PYGL: variants seen among roughly 807,000 people sequenced by gnomAD.
The protein encoded by PYGL is glycogen phosphorylase, liver form.
A neutral mutation model predicts 100.1 loss-of-function variants in PYGL; 90 were observed. The observed-to-expected ratio is 0.90, with a 90% CI of 0.76 to 1.07. PYGL has a LOEUF of 1.07. PYGL is among the 50% of genes least tolerant of loss of function. The probability of loss-of-function intolerance (pLI) is 0.00; values close to 1 mark genes in which losing one functional copy is unlikely to be tolerated. For missense variants in PYGL, 1,016 were observed against 1,057.6 expected (o/e 0.96, Z 0.55); for synonymous variants, 373 against 393.0 (o/e 0.95, Z 0.60).
intron 9 of PYGL, 113 bp from the exon 10 acceptor site, chr14:50,916,084 T>C: frequency 1.4e-6 from 2 of 1,413,108 alleles, no homozygotes; most frequent in Non-Finnish European, 2.0e-6. Flanking sequence ...CAAGTGTGCA[T>C]AGTCAGAGCA....
Position 50,916,692 on chromosome 14 carries a change from G to C in PYGL, c.1042C>G (p.Pro348Ala), listed in dbSNP as rs2050453574. The C allele has an allele frequency of 6.2e-7, 1 of 1,614,176 alleles. No homozygotes were observed. The highest frequency in any genetic ancestry group is 1.3e-5 in the African/African-American group (1 of 75,048). ...LNDTHPALAI[P>A]ELMRIFVDIE... Reference sequence around the variant, plus strand: ...TCCACAAAAATCCTCATCAGCTCAGGGATCGCGAGTGCAGGGTGAGTGTCA... The same window carrying C: ...TCCACAAAAATCCTCATCAGCTCAGCGATCGCGAGTGCAGGGTGAGTGTCA... The change falls in exon 9 of 20, where the codon CCT becomes GCT. Residue 348 changes from proline to alanine, a missense_variant. By Grantham distance (27) the Pro-to-Ala change is conservative. Transcript: ENST00000216392.
chr14:50,943,050 A>C (rs577002623), intron 1 of PYGL, among the ~76,000 whole-genome samples: 1 of 152,254 alleles, frequency 6.6e-6, no homozygotes, highest in South Asian at 2.1e-4. Context: ...TTTCTTAAAA[A>C]TTCCTATGGG....
chr14:50,920,924 C>G (rs921553415), intron 6 of PYGL, 32 bp downstream of exon 6: 1 of 1,566,884 alleles, frequency 6.4e-7, no homozygotes, highest in Non-Finnish European at 8.8e-7. Flanking sequence ...TAAGCACACG[C>G]ATAAAGAAAC....
intron 4 of PYGL, among the ~76,000 whole-genome samples, chr14:50,927,783 G>A (rs1217951370): frequency 3.3e-5 from 5 of 152,202 alleles, no homozygotes; most frequent in African/African-American, 1.2e-4. Context: ...AAGTTGACCT[G>A]AGTAGATCTG....
intron 4 of PYGL, among the ~76,000 whole-genome samples, chr14:50,929,908 C>A (rs560624712): frequency 6.6e-6 from 1 of 152,114 alleles, no homozygotes; most frequent in African/African-American, 2.4e-5. Flanking sequence ...ATATTTCTTA[C>A]AGAAAATGAG....
chr14:50,905,401 A>C lies in PYGL; in HGVS notation c.2535T>G (p.Asn845Lys). The C allele has an allele frequency of 6.2e-7, 1 of 1,612,688 alleles. No homozygotes were observed. The highest frequency in any genetic ancestry group is 8.5e-7 in the Non-Finnish European group (1 of 1,178,726). ...GAGACAATTCTAGAGTTCAATTTCC[A>C]TTGACTTTGTTAGATTCATTGGATA... ...ISLSNESNKV[N>K]GN The change falls in exon 20 of 20, where the codon AAT becomes AAG. Residue 845 changes from asparagine to lysine, a missense_variant. Asn to Lys is a moderately conservative substitution (Grantham distance 94, BLOSUM62 0). Coordinates refer to ENST00000216392, the MANE Select transcript of PYGL (RefSeq NM_002863.5).
In PYGL at chr14:50,910,090, G is replaced by T. The variant is rs2050378840; in HGVS notation, c.1982C>A (p.Thr661Lys). Reference sequence around the variant, plus strand: ...AGTGGAAATCTGCTCTGACAGATCTGTGGCTGGAATGACTGCAAGAAAGGT... The same window carrying T: ...AGTGGAAATCTGCTCTGACAGATCTTTGGCTGGAATGACTGCAAGAAAGGT... ...VSLAEKVIPATDLSEQISTAG... is the reference protein window; with the variant it reads ...VSLAEKVIPAKDLSEQISTAG... Residue 661 changes from threonine to lysine, a missense_variant, in exon 17 of 20, where the codon ACA (threonine) becomes AAA (lysine). Thr to Lys is a moderately conservative substitution (Grantham distance 78, BLOSUM62 -1). Coordinates refer to ENST00000216392, the MANE Select transcript of PYGL (RefSeq NM_002863.5). 1.9e-6 allele frequency: 3 copies of T among 1,613,728 alleles called. No homozygotes were observed. In the South Asian group the frequency reaches 3.3e-5, roughly 18 times the overall value.
intron 19 of PYGL, among the ~76,000 whole-genome samples, chr14:50,907,556 G>C (rs1016569379): frequency 6.6e-6 from 1 of 152,122 alleles, no homozygotes; most frequent in Non-Finnish European, 1.5e-5. Context: ...CAGGCTCCTT[G>C]AGGGAGGGGA....
At position 50,913,089 on chromosome 14, in the gene PYGL, C is replaced by T. The variant is rs918211592; in HGVS notation, c.1560G>A (p.Thr520=). The change falls in exon 13 of 20, where the codon ACG becomes ACA. Residue 520 remains threonine, a synonymous_variant. Transcript: ENST00000216392. ...EDYVKDLSQL[T]KLHSFLGDDV... is the part of the protein sequence containing the mutation. ...CATCACCCAGGAAGCTGTGGAGCTT[C>T]GTCAGCTGGCTCAGGTCTTTCACAT... The T allele has an allele frequency of 1.7e-5, 27 of 1,614,022 alleles. No individual in the cohort carries two copies. The highest frequency in any genetic ancestry group is 2.2e-5 in the East Asian group (1 of 44,864).
intron 5 of PYGL, chr14:50,923,763 C>T: frequency 2.5e-6 from 1 of 405,170 alleles, no homozygotes; most frequent in Non-Finnish European, 4.2e-6. Flanking sequence ...ATAAAAGTCA[C>T]TCCTCTCTTG....
At chr14:50,943,252 T>C (rs2050716440) in intron 1 of PYGL, among the ~76,000 whole-genome samples, 1 of 152,140 alleles carries the variant, frequency 6.6e-6, no homozygotes, top group South Asian at 2.1e-4. Flanking sequence ...CCGCCCTCAC[T>C]CCAGCCTGCA....
intron 5 of PYGL, 68 bp downstream of exon 5, chr14:50,923,901 A>G: frequency 6.5e-7 from 1 of 1,528,500 alleles, no homozygotes; most frequent in Non-Finnish European, 9.1e-7. Context: ...TATATGCTAC[A>G]TAGTCAATGT....
chr14:50,911,579 A>T, intron 16 of PYGL, 151 bp downstream of exon 16: 1 of 1,013,622 alleles, frequency 9.9e-7, no homozygotes, highest in Non-Finnish European at 1.5e-6. Flanking sequence ...GGGTCACTTT[A>T]AAACCTCTTA....
Position 50,912,315 on chromosome 14 carries a change from G to C in PYGL, c.1621-12C>G, listed in dbSNP as rs2050407093. The C allele has an allele frequency of 1.2e-6, 2 of 1,613,440 alleles. No homozygotes were observed. Among genetic ancestry groups the C allele is most frequent in the Non-Finnish European group, 8.5e-7 (1 of 1,179,702 alleles). On this transcript the variant is annotated splice_polypyrimidine_tract_variant and intron_variant, in intron 13 of 19. Coordinates refer to ENST00000216392, the MANE Select transcript of PYGL (RefSeq NM_002863.5). ...TTCAGCTTATTCTCCTGTTAAGACAGTGCATGGTGCCAGAGCTCTTTTGGC... is the reference window on the plus strand; with the variant it reads ...TTCAGCTTATTCTCCTGTTAAGACACTGCATGGTGCCAGAGCTCTTTTGGC...
chr14:50,935,038 T>C (rs1272717381), intron 3 of PYGL, 69 bp downstream of exon 3: 5 of 1,408,538 alleles, frequency 3.5e-6, no homozygotes, highest in South Asian at 3.5e-5. Context: ...CTTGCAAGCA[T>C]GGTCATGCAT....
rs1240252085 is a variant in PYGL, at chr14:50,910,158, T to C, written c.1970-56A>G. On this transcript the variant is annotated intron_variant, in intron 16 of 19. Coordinates refer to ENST00000216392, the MANE Select transcript of PYGL (RefSeq NM_002863.5). ...TTTGTCTGTCTAGATCTGCTTGTAT[T>C]GTATTGAAGCATTTATTAAGTTGGG... 8 of 1,524,276 alleles carry C rather than the reference T, an allele frequency of 5.2e-6. No homozygotes were observed. The African/African-American group carries it at 9.6e-5, about 18-fold the overall frequency. The allele number at this position is 1,524,276 out of a possible 1,614,324, so 94.4% of individuals were successfully genotyped here. A position where few individuals can be genotyped will look rare whatever the true frequency, so the allele number is the denominator to read the frequency against.
intron 2 of PYGL, among the ~76,000 whole-genome samples, chr14:50,936,860 A>G (rs2050658283): frequency 6.6e-6 from 1 of 152,174 alleles, no homozygotes; most frequent in Admixed American, 6.5e-5. Context: ...GCCTGGCTAT[A>G]GGCTACTCCA....
intron 4 of PYGL, among the ~76,000 whole-genome samples, chr14:50,929,052 T>C (rs117048680): frequency 0.023 from 3,462 of 152,226 alleles, 76 homozygotes; most frequent in East Asian, 0.079. Context: ...TATTTTATTT[T>C]ATTTTATTTT....
chr14:50,926,151 G>A (rs776089392), intron 4 of PYGL, among the ~76,000 whole-genome samples: 8 of 152,114 alleles, frequency 5.3e-5, no homozygotes, highest in Non-Finnish European at 7.3e-5. Context: ...AGGAGTTTGA[G>A]AGCAGCCTGG....
Sources: allele counts gnomAD v4.1 joint callset (sites outside exome capture counted in the v4.1 genomes callset), GRCh38; gene constraint gnomAD v4.1.1; transcripts MANE v1.5; gene names NCBI Gene and HGNC (gene_info 2026-07-23, HGNC 2026-07-21).